Variants in DST observed in about 807,000 individuals in gnomAD.
The protein encoded by DST is dystonin, also known as bullous pemphigoid antigen.
In DST, 253 loss-of-function variants were observed where a neutral mutation model predicts 875.2. The ratio of observed to expected loss-of-function variants is 0.29; its 90% CI spans 0.26 to 0.32. The LOEUF is 0.32. Among genes scored for constraint, DST ranks in the 10% least tolerant of loss-of-function variants. DST has a pLI of 1.00. For synonymous variants in DST, 3,124 were observed against 3,197.1 expected (o/e 0.98, Z 0.77); for missense variants, 8,287 against 9,111.6 (o/e 0.91, Z 3.68).
At chr6:56,570,063 T>A in intron 53 of DST, 51 bp from the exon 54 acceptor site, 1 of 1,272,384 alleles carries the variant, frequency 7.9e-7, no homozygotes, top group Non-Finnish European at 1.1e-6. Flanking sequence ...GAAGAATAAA[T>A]AAATTATTAT....
chr6:56,578,498 A>G (rs549290771), intron 50 of DST, among the ~76,000 whole-genome samples: 94 of 152,248 alleles, frequency 6.2e-4, no homozygotes, highest in African/African-American at 2.2e-3. Flanking sequence ...ACTCTGCCCA[A>G]TCCCATCAAC....
intron 4 of DST, among the ~76,000 whole-genome samples, chr6:56,744,378 CA>C (rs35008377): frequency 1.9e-3 from 257 of 132,504 alleles, no homozygotes; most frequent in South Asian, 3.3e-3. Context: ...GGCTGTATCT[CA>C]AAAAAAAAAA....
At chr6:56,671,847 A>C (rs1299229775) in intron 9 of DST, among the ~76,000 whole-genome samples, 1 of 152,192 alleles carries the variant, frequency 6.6e-6, no homozygotes, top group Non-Finnish European at 1.5e-5. Flanking sequence ...GGAAAATATC[A>C]CTTGACCAGA....
chr6:56,558,343 T>G (rs1288433917), intron 58 of DST, among the ~76,000 whole-genome samples: 2 of 152,160 alleles, frequency 1.3e-5, no homozygotes, highest in Non-Finnish European at 2.9e-5. Context: ...AACATCATCA[T>G]GTTTTACCTT....
At chr6:56,508,476 T>C (rs1232428513) in intron 75 of DST, 53 bp downstream of exon 75, 3 of 1,430,486 alleles carry the variant, frequency 2.1e-6, no homozygotes, top group African/African-American at 2.8e-5. Flanking sequence ...GGAATCTGGA[T>C]TTCATTATGC....
In DST at chr6:56,795,042, T is replaced by C. The variant is rs76877658; in HGVS notation, c.625+56355A>G. On this transcript the variant is annotated intron_variant, in intron 4 of 103. Transcript: ENST00000680361. ...GAAGGCTTCTGAGCAAAGCCCCTTATAGGAAAAACCAGGAGGCCAAAACAA... is the reference window on the plus strand; with the variant it reads ...GAAGGCTTCTGAGCAAAGCCCCTTACAGGAAAAACCAGGAGGCCAAAACAA... Among the ~76,000 whole-genome samples the C allele has an allele frequency of 5.1e-3, 781 of 152,120 alleles. 11 individuals carry two copies. Among genetic ancestry groups the C allele is most frequent in the African/African-American group, 0.018 (757 of 41,500 alleles).
chr6:56,545,663 C>T (rs114482768), intron 61 of DST, among the ~76,000 whole-genome samples: 4,587 of 152,186 alleles, frequency 0.03, 86 homozygotes, highest in Non-Finnish European at 0.043. Context: ...TTATTATTTA[C>T]ACATTATTTA....
chr6:56,598,166 C>T, intron 46 of DST, among the ~76,000 whole-genome samples, 160 bp from the exon 47 acceptor site: 1 of 152,192 alleles, frequency 6.6e-6, no homozygotes, highest in East Asian at 1.9e-4. Flanking sequence ...CTCAGAGCAA[C>T]AGGCAGTTAC....
Position 56,900,445 on chromosome 6 carries a change from A to C in DST, c.393T>G (p.Val131=). The part of the protein sequence containing the change: ...SRVQPEFYHS[V]QGASIRRPSS... ...CAGGCCTCCTGATTGAAGCACCTTG[A>C]ACAGAGTGATAAAATTCTGGCTGGA... Residue 131 remains valine, a synonymous_variant, in exon 3 of 104, where the codon GTT becomes GTG. Transcript: ENST00000680361. 7.3e-7 allele frequency: 1 copy of C among 1,367,736 alleles called. No individual in the cohort carries two copies. Among genetic ancestry groups the C allele is most frequent in the Non-Finnish European group, 9.8e-7 (1 of 1,021,868 alleles). 84.7% of individuals were successfully genotyped at this position (1,367,736 alleles called of 1,614,324 possible).
chr6:56,492,097 C>A, intron 85 of DST, 130 bp downstream of exon 85: 3 of 859,310 alleles, frequency 3.5e-6, no homozygotes, highest in Middle Eastern at 2.3e-4. Flanking sequence ...TAGGAAAGAA[C>A]CACCATGGCA....
intron 4 of DST, among the ~76,000 whole-genome samples, chr6:56,778,648 C>T (rs1351570303): frequency 1.3e-5 from 2 of 149,674 alleles, no homozygotes; most frequent in East Asian, 4.0e-4. Flanking sequence ...GTTTTTTGTC[C>T]TTGAGATAGT....
intron 4 of DST, among the ~76,000 whole-genome samples, chr6:56,830,856 C>A (rs2099786070): frequency 6.6e-6 from 1 of 152,136 alleles, no homozygotes; most frequent in African/African-American, 2.4e-5. Flanking sequence ...ACATATATTA[C>A]CTATAGTCCA....
chr6:56,818,865 G>A (rs550187520), intron 4 of DST, among the ~76,000 whole-genome samples: 65 of 152,104 alleles, frequency 4.3e-4, no homozygotes, highest in African/African-American at 9.4e-4. Context: ...TACCACCCCC[G>A]CCAACTGCTT....
Position 56,529,439 on chromosome 6 carries a change from T to A in DST, c.17595+9A>T, listed in dbSNP as rs2096858366. 3 of 1,454,986 alleles carry A rather than the reference T, an allele frequency of 2.1e-6. No homozygotes were observed. Among genetic ancestry groups the A allele is most frequent in the African/African-American group, 2.8e-5 (2 of 70,292 alleles). The allele number at this position is 1,454,986 out of a possible 1,614,324, so 90.1% of individuals were successfully genotyped here. On this transcript the variant is annotated intron_variant, in intron 66 of 103. Coordinates refer to ENST00000680361, the MANE Select transcript of DST (RefSeq NM_001374736.1). ...AAAAAATAAGATAAAATAAAATAAA[T>A]CAAAATACCCGAAGTTCAGACTGCT...
intron 62 of DST, among the ~76,000 whole-genome samples, chr6:56,536,252 AG>A (rs1425279443): frequency 2.0e-5 from 3 of 152,226 alleles, no homozygotes; most frequent in African/African-American, 7.2e-5. Context: ...ACATCTTACA[AG>A]TAATTGAGGG....
chr6:56,692,555 T>C (rs1164782508), intron 9 of DST: 9 of 1,289,758 alleles, frequency 7.0e-6, no homozygotes, highest in Non-Finnish European at 7.1e-6. Context: ...GGAAACCCAC[T>C]TTTTTCGAGT....
intron 2 of DST, 128 bp downstream of exon 2, chr6:56,953,657 C>T (rs563990377): frequency 1.6e-6 from 1 of 628,390 alleles, no homozygotes; most frequent in African/African-American, 1.9e-5. Context: ...AAACATGCCA[C>T]TTTCGGCTAG....
intron 9 of DST, among the ~76,000 whole-genome samples, chr6:56,679,425 C>T (rs2152840015): frequency 6.6e-6 from 1 of 152,026 alleles, no homozygotes; most frequent in Middle Eastern, 3.4e-3. Flanking sequence ...TTCTTGGTGT[C>T]CTAACTGGCC....
intron 4 of DST, among the ~76,000 whole-genome samples, chr6:56,845,736 C>T (rs574326776): frequency 6.6e-6 from 1 of 152,328 alleles, no homozygotes; most frequent in South Asian, 2.1e-4. Context: ...ATTGAAGGCA[C>T]GTCTGAGCCT....
Sources: allele counts gnomAD v4.1 joint callset (sites outside exome capture counted in the v4.1 genomes callset), GRCh38; gene constraint gnomAD v4.1.1; transcripts MANE v1.5; gene names NCBI Gene and HGNC (gene_info 2026-07-23, HGNC 2026-07-21).